Variants in NEDD4L observed in about 807,000 individuals in gnomAD.
NEDD4L encodes NEDD4 like E3 ubiquitin protein ligase.
NEDD4L carries 54 observed loss-of-function variants against 148.9 expected under a neutral mutation model. That is an observed-to-expected ratio of 0.36 (90% CI 0.29 to 0.45). The LOEUF (loss-of-function observed/expected upper bound fraction) is 0.45. NEDD4L is among the 20% of genes least tolerant of loss of function. The pLI, the probability that NEDD4L is intolerant of heterozygous loss-of-function variation, is 1.00. For synonymous variants in NEDD4L, 433 were observed against 440.7 expected (o/e 0.98, Z 0.22); for missense variants, 856 against 1,233.8 (o/e 0.69, Z 4.59).
intron 1 of NEDD4L, chr18:58,149,454 C>T: frequency 6.5e-7 from 1 of 1,542,820 alleles, no homozygotes. Context: ...ACGACTTCCG[C>T]ATACTCTTCA....
At chr18:58,241,235 C>T (rs2148343961) in intron 2 of NEDD4L, among the ~76,000 whole-genome samples, 1 of 152,300 alleles carries the variant, frequency 6.6e-6, no homozygotes, top group Admixed American at 6.5e-5. Flanking sequence ...AAAACTGAGG[C>T]ACAGAGAGGC....
At chr18:58,319,612 CAA>C (rs965555023) in intron 6 of NEDD4L, among the ~76,000 whole-genome samples, 2 of 152,186 alleles carry the variant, frequency 1.3e-5, no homozygotes, top group African/African-American at 4.8e-5. Context: ...GGAGCACCCT[CAA>C]AGCCATCCTG....
At chr18:58,201,192 G>A (rs1449802503) in intron 2 of NEDD4L, among the ~76,000 whole-genome samples, 1 of 152,078 alleles carries the variant, frequency 6.6e-6, no homozygotes. Flanking sequence ...AATTAGCCAG[G>A]CATGGTGGTG....
At chr18:58,323,810 G>A (rs1240071758) in intron 8 of NEDD4L, among the ~76,000 whole-genome samples, 2 of 152,172 alleles carry the variant, frequency 1.3e-5, no homozygotes, top group East Asian at 3.8e-4. Context: ...GAGCTGACCA[G>A]AGGAATGTCC....
chr18:58,074,188 T>C (rs2083040661), intron 1 of NEDD4L, among the ~76,000 whole-genome samples: 1 of 152,068 alleles, frequency 6.6e-6, no homozygotes, highest in Non-Finnish European at 1.5e-5. Flanking sequence ...ATGGCAGACC[T>C]ATCAGATGTT....
At chr18:58,373,634 T>C (rs2047179978) in intron 24 of NEDD4L, among the ~76,000 whole-genome samples, 1 of 152,208 alleles carries the variant, frequency 6.6e-6, no homozygotes, top group Non-Finnish European at 1.5e-5. Flanking sequence ...GAGTGGGTGA[T>C]GTTGGAAGGG....
Position 58,396,233 on chromosome 18 carries a change from C to T in NEDD4L, c.2892C>T (p.Ala964=), listed in dbSNP as rs372898637. The T allele has an allele frequency of 1.9e-4, 300 of 1,613,424 alleles. No individual in the cohort carries two copies. The highest frequency in any genetic ancestry group is 8.0e-4 in the South Asian group (73 of 90,894). The part of the protein sequence containing the change: ...FEDLREKLLM[A]VENAQGFEGV... ...ATTTACGAGAGAAACTTCTCATGGC[C>T]GTGGAAAATGCTCAAGGATTTGAAG... The change falls in exon 31 of 31, where the codon GCC becomes GCT. Residue 964 remains alanine, a synonymous_variant. Coordinates refer to ENST00000400345, the MANE Select transcript of NEDD4L (RefSeq NM_001144967.3).
chr18:58,185,743 C>G (rs918929674), intron 2 of NEDD4L, among the ~76,000 whole-genome samples: 3 of 152,018 alleles, frequency 2.0e-5, no homozygotes, highest in African/African-American at 7.3e-5. Flanking sequence ...TGTGGTGGTG[C>G]ATGCCTGTAA....
Position 58,347,496 on chromosome 18 carries a change from T to A in NEDD4L, c.1576-2041T>A, listed in dbSNP as rs947742306. ...GAAATTCAGTGCTTTCAGTTTTTCC[T>A]CTGTCTGTAGTTAACCAGTCATGAA... On this transcript the variant is annotated intron_variant, in intron 16 of 30. Transcript: ENST00000400345. Among the ~76,000 whole-genome samples, 27 of 152,276 alleles carry A rather than the reference T, an allele frequency of 1.8e-4. 1 individual carries two copies. Among genetic ancestry groups the A allele is most frequent in the African/African-American group, 6.3e-4 (26 of 41,540 alleles).
rs543113044 is a variant in NEDD4L at position 58,184,871 on chromosome 18, G to T, written c.122+19010G>T. 2.8e-3 allele frequency among the ~76,000 whole-genome samples: 427 copies of T among 152,048 alleles called. 1 individual carries two copies. The highest frequency in any genetic ancestry group is 4.2e-3 in the Non-Finnish European group (288 of 67,940). On this transcript the variant is annotated intron_variant, in intron 2 of 30. Transcript: ENST00000400345. ...TGAACGCAGGAGGTGGAGCTTGCAG[G>T]GAGCCGAGATGGCACCACTGCACTC...
Position 58,341,766 on chromosome 18 carries a change from C to G in NEDD4L, c.1346C>G (p.Ser449Trp), listed in dbSNP as rs762433818. 6.2e-7 allele frequency: 1 copy of G among 1,613,608 alleles called. No homozygotes were observed. ...PQIRRPRSLS[S>W]PTVTLSAPLE... ...ATCCGCCGGCCTCGTAGCCTCAGCT[C>G]GCCAACAGTAACTTTATCTGCCCCG... is the stretch of plus-strand genomic sequence containing the variant. The change falls in exon 15 of 31, where the codon TCG becomes TGG. Residue 449 changes from serine to tryptophan, a missense_variant. Physicochemically the swap from Ser to Trp is radical, Grantham distance 177. Coordinates refer to ENST00000400345, the MANE Select transcript of NEDD4L (RefSeq NM_001144967.3).
chr18:58,385,519 C>G lies in NEDD4L; in HGVS notation c.2427-7C>G, dbSNP rs749605841. The G allele has an allele frequency of 3.7e-6, 6 of 1,612,386 alleles. No homozygotes were observed. The highest frequency in any genetic ancestry group is 1.6e-4 in the Middle Eastern group (1 of 6,062). ...GTGGTTCAATATTGTCCTCTTTTCT[C>G]CTGCAGCTTAGTCATCCAGTGGAGA... On this transcript the variant is annotated splice_region_variant and splice_polypyrimidine_tract_variant and intron_variant, in intron 25 of 30. Coordinates refer to ENST00000400345, the MANE Select transcript of NEDD4L (RefSeq NM_001144967.3).
intron 5 of NEDD4L, among the ~76,000 whole-genome samples, chr18:58,271,100 G>T (rs1244691510): frequency 6.6e-6 from 1 of 151,720 alleles, no homozygotes; most frequent in African/African-American, 2.4e-5. Context: ...TATTATTATT[G>T]TTTTTTTCCC....
intron 1 of NEDD4L, among the ~76,000 whole-genome samples, chr18:58,075,010 A>C (rs1400075649): frequency 6.6e-6 from 1 of 152,186 alleles, no homozygotes; most frequent in Non-Finnish European, 1.5e-5. Flanking sequence ...GTTAGGTCAA[A>C]ATAACAATAA....
chr18:58,077,400 CAAGCA>C (rs546381582), intron 1 of NEDD4L, among the ~76,000 whole-genome samples: 13 of 152,048 alleles, frequency 8.5e-5, no homozygotes, highest in Non-Finnish European at 1.6e-4. Context: ...TTCCTGAGTT[CAAGCA>C]ATCTACCCAC....
chr18:58,208,797 T>C (rs1458298634), intron 2 of NEDD4L, among the ~76,000 whole-genome samples: 1 of 152,194 alleles, frequency 6.6e-6, no homozygotes, highest in Non-Finnish European at 1.5e-5. Context: ...CAGAGCTGTA[T>C]ATCAAGCTGT....
chr18:58,282,634 C>A (rs1804392648), intron 5 of NEDD4L, among the ~76,000 whole-genome samples: 1 of 152,100 alleles, frequency 6.6e-6, no homozygotes, highest in African/African-American at 2.4e-5. Context: ...ATTTTGTTGC[C>A]CAAATTGAGT....
intron 1 of NEDD4L, among the ~76,000 whole-genome samples, chr18:58,117,616 G>A (rs960967397): frequency 6.6e-5 from 10 of 152,168 alleles, no homozygotes; most frequent in African/African-American, 1.9e-4. Context: ...TTACCCTGAC[G>A]GGGCCAGAGC....
At chr18:58,312,512 G>A (rs539434449) in intron 5 of NEDD4L, among the ~76,000 whole-genome samples, 5 of 152,068 alleles carry the variant, frequency 3.3e-5, no homozygotes, top group Admixed American at 6.6e-5. Context: ...TTGTCCCTCC[G>A]GGGCCCACAG....
Sources: allele counts gnomAD v4.1 joint callset (sites outside exome capture counted in the v4.1 genomes callset), GRCh38; gene constraint gnomAD v4.1.1; transcripts MANE v1.5; gene names NCBI Gene and HGNC (gene_info 2026-07-23, HGNC 2026-07-21).